DAPK1: variants seen among roughly 807,000 people sequenced by gnomAD.
The protein encoded by DAPK1 is death-associated protein kinase 1.
Under a neutral mutation model 144.9 loss-of-function variants are expected in DAPK1, and 56 were observed. The ratio of observed to expected loss-of-function variants is 0.39; its 90% CI spans 0.31 to 0.48. The LOEUF is 0.48. Ranked by LOEUF, DAPK1 falls within the 20% of genes least tolerant of loss-of-function variation. DAPK1 has a pLI of 0.95. For missense variants in DAPK1, 1,454 were observed against 1,875.4 expected (o/e 0.78, Z 4.15); for synonymous variants, 690 against 749.0 (o/e 0.92, Z 1.29).
intron 2 of DAPK1, among the ~76,000 whole-genome samples, chr9:87,523,667 TGTTTAA>T (rs1223490192): frequency 2.0e-5 from 3 of 152,230 alleles, no homozygotes; most frequent in African/African-American, 7.2e-5. Flanking sequence ...TTATTATGTA[TGTTTAA>T]GTCTGTGATT....
intron 2 of DAPK1, among the ~76,000 whole-genome samples, chr9:87,514,679 C>T (rs1326223913): frequency 6.6e-6 from 1 of 152,114 alleles, no homozygotes. Flanking sequence ...CAAAGCCCGA[C>T]ACGATTAAAT....
At chr9:87,597,930 C>A (rs1828378808) in intron 2 of DAPK1, among the ~76,000 whole-genome samples, 1 of 152,196 alleles carries the variant, frequency 6.6e-6, no homozygotes, top group African/African-American at 2.4e-5. Flanking sequence ...CCAGCTTGGG[C>A]AGGGGTTTCC....
intron 23 of DAPK1, among the ~76,000 whole-genome samples, chr9:87,699,348 T>A (rs1328813235): frequency 1.3e-5 from 2 of 152,218 alleles, no homozygotes; most frequent in African/African-American, 4.8e-5. Context: ...AATCAGTATG[T>A]CTTACAATAT....
At position 87,639,387 on chromosome 9, in the gene DAPK1, C is replaced by T. The variant is rs1184372008; in HGVS notation, c.457C>T (p.Pro153Ser). ...CATAATGCTTTTGGATAGAAATGTC[C>T]CCAAACCTCGGATCAAGATCATTGA... ...ENIMLLDRNV[P>S]KPRIKIIDFG... Residue 153 changes from proline (P) to serine (S), a missense_variant, in exon 5 of 26, where the codon CCC becomes TCC. Coordinates refer to ENST00000408954, the MANE Select transcript of DAPK1 (RefSeq NM_004938.4). 1.2e-6 allele frequency: 2 copies of T among 1,610,118 alleles called. No individual in the cohort carries two copies. Among genetic ancestry groups the T allele is most frequent in the African/African-American group, 2.7e-5 (2 of 74,108 alleles).
chr9:87,665,891 A>T lies in DAPK1; in HGVS notation c.1924-2706A>T, dbSNP rs540990580. Among the ~76,000 whole-genome samples the T allele has an allele frequency of 1.6e-3, 241 of 152,314 alleles. 3 individuals are homozygous for T. The South Asian group carries it at 0.049, about 31-fold the overall frequency. On this transcript the variant is annotated intron_variant, in intron 18 of 25. Coordinates refer to ENST00000408954, the MANE Select transcript of DAPK1 (RefSeq NM_004938.4). Reference sequence around the variant, plus strand: ...CCCAGGGCTCACGTTGAGATGATGGACAGCTGAGTGCTGAGACACTTGGCC... The same window carrying T: ...CCCAGGGCTCACGTTGAGATGATGGTCAGCTGAGTGCTGAGACACTTGGCC...
chr9:87,664,479 G>A (rs993067607), intron 18 of DAPK1, among the ~76,000 whole-genome samples: 3 of 152,164 alleles, frequency 2.0e-5, no homozygotes, highest in African/African-American at 7.2e-5. Flanking sequence ...AAGACTCCGT[G>A]GCACCCACTC....
chr9:87,620,560 T>G (rs1193599965), intron 3 of DAPK1, among the ~76,000 whole-genome samples: 52 of 83,070 alleles, frequency 6.3e-4, no homozygotes, highest in South Asian at 1.1e-3. Context: ...AGAGAAGGAG[T>G]AGGGGGAGGG....
chr9:87,664,321 G>T (rs139836486), intron 18 of DAPK1, among the ~76,000 whole-genome samples: 9 of 152,104 alleles, frequency 5.9e-5, no homozygotes, highest in Non-Finnish European at 8.8e-5. Context: ...CACCCCCTGC[G>T]CATAGTGTGC....
intron 2 of DAPK1, among the ~76,000 whole-genome samples, chr9:87,504,616 A>G (rs1374444266): frequency 2.0e-5 from 3 of 152,186 alleles, no homozygotes; most frequent in Admixed American, 6.5e-5. Flanking sequence ...AAGCCATGAA[A>G]AACTCATAAG....
At chr9:87,516,184 G>A (rs572230168) in intron 2 of DAPK1, among the ~76,000 whole-genome samples, 1 of 152,278 alleles carries the variant, frequency 6.6e-6, no homozygotes, top group Admixed American at 6.5e-5. Flanking sequence ...TGTGGAAGCT[G>A]GGATTCTGTC....
intron 19 of DAPK1, among the ~76,000 whole-genome samples, chr9:87,680,335 A>T (rs900527435): frequency 1.3e-5 from 2 of 151,976 alleles, no homozygotes; most frequent in African/African-American, 4.8e-5. Flanking sequence ...CCATCTCCTG[A>T]CCCTGGTGAT....
At chr9:87,514,910 T>G (rs1255581817) in intron 2 of DAPK1, among the ~76,000 whole-genome samples, 1 of 152,054 alleles carries the variant, frequency 6.6e-6, no homozygotes, top group Non-Finnish European at 1.5e-5. Context: ...GCAATGGGAG[T>G]TGCTGGTTTC....
intron 3 of DAPK1, among the ~76,000 whole-genome samples, chr9:87,616,512 G>A (rs915619707): frequency 6.6e-6 from 1 of 152,174 alleles, no homozygotes; most frequent in Admixed American, 6.5e-5. Context: ...ACTCTTGACT[G>A]AGTTTCCTAA....
At chr9:87,662,322 A>T (rs1830877941) in intron 18 of DAPK1, among the ~76,000 whole-genome samples, 1 of 152,140 alleles carries the variant, frequency 6.6e-6, no homozygotes, top group Non-Finnish European at 1.5e-5. Context: ...GTGGTTTCAT[A>T]TGAACTTTAG....
At chr9:87,617,906 GC>G (rs1829157563) in intron 3 of DAPK1, among the ~76,000 whole-genome samples, 1 of 152,200 alleles carries the variant, frequency 6.6e-6, no homozygotes, top group Non-Finnish European at 1.5e-5. Flanking sequence ...AGACTGGGAA[GC>G]TTGGAGCTCT....
intron 2 of DAPK1, among the ~76,000 whole-genome samples, chr9:87,511,668 T>TTGTGTG (rs59377718): frequency 0.015 from 2,106 of 140,716 alleles, 43 homozygotes; most frequent in East Asian, 0.052. Context: ...TCTTTTTCTT[T>TTGTGTG]TGTGTGTGTG....
intron 19 of DAPK1, among the ~76,000 whole-genome samples, chr9:87,673,265 GGA>G (rs1397867268): frequency 1.1e-4 from 17 of 152,168 alleles, no homozygotes; most frequent in South Asian, 2.1e-4. Flanking sequence ...GCTGTCCTGG[GGA>G]GAGGTCTGTA....
chr9:87,647,567 G>A (rs1405387735), intron 14 of DAPK1, among the ~76,000 whole-genome samples, 164 bp downstream of exon 14: 2 of 152,194 alleles, frequency 1.3e-5, no homozygotes, highest in African/African-American at 2.4e-5. Flanking sequence ...CTGTGGTTTG[G>A]TCTAATACTG....
intron 19 of DAPK1, among the ~76,000 whole-genome samples, chr9:87,672,154 T>C (rs558060120): frequency 3.9e-4 from 60 of 152,274 alleles, no homozygotes; most frequent in Non-Finnish European, 7.2e-4. Flanking sequence ...TGTTTCCTGT[T>C]ATTGTTGGAA....
Sources: allele counts gnomAD v4.1 joint callset (sites outside exome capture counted in the v4.1 genomes callset), GRCh38; gene constraint gnomAD v4.1.1; transcripts MANE v1.5; gene names NCBI Gene and HGNC (gene_info 2026-07-23, HGNC 2026-07-21).